ERBB4: variants seen among roughly 807,000 people sequenced by gnomAD.
The protein encoded by ERBB4 is receptor tyrosine-protein kinase erbB-4.
Under a neutral mutation model 158.0 loss-of-function variants are expected in ERBB4, and 42 were observed. That is an observed-to-expected ratio of 0.27 (90% CI 0.21 to 0.34). The LOEUF (loss-of-function observed/expected upper bound fraction) is 0.34. Ranked by LOEUF, ERBB4 falls within the 10% of genes least tolerant of loss-of-function variation. The pLI is 1.00. For missense variants in ERBB4, 1,333 were observed against 1,624.1 expected (o/e 0.82, Z 3.08); for synonymous variants, 583 against 558.7 (o/e 1.04, Z -0.61).
chr2:211,724,965 T>C (rs749765072), intron 6 of ERBB4, 111 bp downstream of exon 6: 59 of 852,432 alleles, frequency 6.9e-5, no homozygotes, highest in Non-Finnish European at 1.1e-4. Flanking sequence ...TTCTTAATCC[T>C]AAAGTGGCTA....
At chr2:212,157,061 A>G (rs774319912) in intron 1 of ERBB4, among the ~76,000 whole-genome samples, 4 of 152,070 alleles carry the variant, frequency 2.6e-5, no homozygotes, top group Non-Finnish European at 5.9e-5. Flanking sequence ...AAACATGTCT[A>G]TGGAATTCCA....
At chr2:211,417,633 G>A (rs1426758479) in intron 25 of ERBB4, among the ~76,000 whole-genome samples, 1 of 152,130 alleles carries the variant, frequency 6.6e-6, no homozygotes, top group African/African-American at 2.4e-5. Context: ...TTGCTTTAAA[G>A]TTGTAATTTA....
intron 20 of ERBB4, among the ~76,000 whole-genome samples, chr2:211,431,401 G>T (rs1291148508): frequency 4.6e-5 from 7 of 152,104 alleles, no homozygotes; most frequent in African/African-American, 1.7e-4. Context: ...CTTTAGTGAG[G>T]TGTGCAGGTG....
At chr2:212,223,721 C>G (rs899661884) in intron 1 of ERBB4, among the ~76,000 whole-genome samples, 1 of 151,578 alleles carries the variant, frequency 6.6e-6, no homozygotes, top group Non-Finnish European at 1.5e-5. Context: ...TATTTACTCT[C>G]TTCTTAAAAA....
At chr2:212,012,661 C>A (rs1321587393) in intron 2 of ERBB4, among the ~76,000 whole-genome samples, 1 of 152,152 alleles carries the variant, frequency 6.6e-6, no homozygotes, top group Admixed American at 6.5e-5. Context: ...GATCCACCCA[C>A]CTCAGTCTCC....
At chr2:211,938,947 CTTGA>C (rs917290812) in intron 3 of ERBB4, among the ~76,000 whole-genome samples, 4 of 152,044 alleles carry the variant, frequency 2.6e-5, no homozygotes, top group African/African-American at 9.7e-5. Context: ...AGCAAGCAAG[CTTGA>C]TTTTTAAAAA....
intron 4 of ERBB4, among the ~76,000 whole-genome samples, chr2:211,768,950 G>C (rs1055476333): frequency 3.3e-5 from 5 of 152,182 alleles, no homozygotes; most frequent in African/African-American, 9.7e-5. Flanking sequence ...CTGCAAATTT[G>C]CTGAACTTTA....
At chr2:211,443,142 T>A (rs2064028311) in intron 20 of ERBB4, among the ~76,000 whole-genome samples, 1 of 152,052 alleles carries the variant, frequency 6.6e-6, no homozygotes, top group Non-Finnish European at 1.5e-5. Context: ...TGCCTTTGGA[T>A]CAAGAGGTCT....
rs959549433 is a variant in ERBB4 at position 211,702,296 on chromosome 2, G to C, written c.1290-130C>G. The C allele has an allele frequency of 7.0e-5, 55 of 785,052 alleles. No individual in the cohort carries two copies. In the East Asian group the frequency reaches 7.1e-4, roughly 10 times the overall value. 48.6% of individuals were successfully genotyped at this position (785,052 alleles called of 1,614,324 possible). A position where few individuals can be genotyped will look rare whatever the true frequency, so the allele number is the denominator to read the frequency against. ...AACTGAATCAATAAATCTGTGTTTA[G>C]AATATTGTTTTTACATGCTATATAC... On this transcript the variant is annotated intron_variant, in intron 11 of 27. Coordinates refer to ENST00000342788, the MANE Select transcript of ERBB4 (RefSeq NM_005235.3).
At chr2:211,771,607 T>C (rs541691906) in intron 4 of ERBB4, among the ~76,000 whole-genome samples, 2 of 152,192 alleles carry the variant, frequency 1.3e-5, no homozygotes, top group Non-Finnish European at 2.9e-5. Context: ...TGAAAAATGT[T>C]AGCAGAAAAT....
chr2:212,479,945 T>A (rs951159242), intron 1 of ERBB4, among the ~76,000 whole-genome samples: 1 of 152,102 alleles, frequency 6.6e-6, no homozygotes, highest in African/African-American at 2.4e-5. Context: ...CCTGCATTTA[T>A]GATAATTCTA....
chr2:212,488,204 T>C (rs934814195), intron 1 of ERBB4, among the ~76,000 whole-genome samples: 2 of 152,084 alleles, frequency 1.3e-5, no homozygotes, highest in East Asian at 1.9e-4. Context: ...TTTTATCCCT[T>C]TGAATGTGTG....
At chr2:212,409,560 A>C (rs1328469777) in intron 1 of ERBB4, among the ~76,000 whole-genome samples, 2 of 152,158 alleles carry the variant, frequency 1.3e-5, no homozygotes, top group East Asian at 1.9e-4. Flanking sequence ...TACTTTATTC[A>C]AAGTGCATGT....
At chr2:211,453,153 G>T (rs768347976) in intron 20 of ERBB4, among the ~76,000 whole-genome samples, 1 of 152,164 alleles carries the variant, frequency 6.6e-6, no homozygotes, top group Admixed American at 6.5e-5. Context: ...ACTAGGTAAT[G>T]CTTTCAGCAA....
At chr2:212,230,079 G>A (rs749352376) in intron 1 of ERBB4, among the ~76,000 whole-genome samples, 22 of 152,208 alleles carry the variant, frequency 1.4e-4, no homozygotes, top group Admixed American at 2.6e-4. Flanking sequence ...GAGGCCAGGA[G>A]TTCAAGATGA....
At chr2:211,967,103 G>A (rs772732843) in intron 2 of ERBB4, among the ~76,000 whole-genome samples, 11 of 151,992 alleles carry the variant, frequency 7.2e-5, no homozygotes, top group Non-Finnish European at 1.5e-4. Flanking sequence ...ATGCCTGAAT[G>A]TTTTTTTCTG....
chr2:212,464,847 A>T (rs1574970335), intron 1 of ERBB4, among the ~76,000 whole-genome samples: 1 of 151,778 alleles, frequency 6.6e-6, no homozygotes, highest in Non-Finnish European at 1.5e-5. Flanking sequence ...ATTTGTTTTA[A>T]TCAAAGATCA....
intron 1 of ERBB4, among the ~76,000 whole-genome samples, chr2:212,489,035 G>C (rs1253900155): frequency 6.6e-6 from 1 of 150,408 alleles, no homozygotes; most frequent in African/African-American, 2.4e-5. Context: ...GTAGGCAATT[G>C]ATAAAAGTTA....
intron 20 of ERBB4, among the ~76,000 whole-genome samples, chr2:211,433,598 A>T (rs1365877801): frequency 6.6e-6 from 1 of 150,922 alleles, no homozygotes; most frequent in East Asian, 2.0e-4. Context: ...AAATAAAATA[A>T]AAAAAGGGGA....
Sources: allele counts gnomAD v4.1 joint callset (sites outside exome capture counted in the v4.1 genomes callset), GRCh38; gene constraint gnomAD v4.1.1; transcripts MANE v1.5; gene names NCBI Gene and HGNC (gene_info 2026-07-23, HGNC 2026-07-21).